Variants in UBR3 observed in about 807,000 individuals in gnomAD.
UBR3 encodes the protein ubiquitin protein ligase E3 component n-recognin 3, also known as E3 ubiquitin-protein ligase UBR3.
In UBR3, 85 loss-of-function variants were observed where a neutral mutation model predicts 243.2. That is an observed-to-expected ratio of 0.35 (90% CI 0.29 to 0.42). The LOEUF (loss-of-function observed/expected upper bound fraction) is 0.42, where lower values mean the gene tolerates loss of function less well. Among genes scored for constraint, UBR3 ranks in the 10% least tolerant of loss-of-function variants. The pLI, the probability that UBR3 is intolerant of heterozygous loss-of-function variation, is 1.00. For missense variants in UBR3, 1,686 were observed against 2,300.8 expected (o/e 0.73, Z 5.47); for synonymous variants, 748 against 799.8 (o/e 0.94, Z 1.09).
chr2:170,070,035 G>A (rs1050494260), intron 35 of UBR3, among the ~76,000 whole-genome samples: 3 of 151,974 alleles, frequency 2.0e-5, no homozygotes, highest in African/African-American at 7.2e-5. Flanking sequence ...GGCTGGTTGA[G>A]TACATGGATA....
chr2:170,060,603 C>T (rs1269743232), intron 33 of UBR3, among the ~76,000 whole-genome samples: 7 of 151,820 alleles, frequency 4.6e-5, no homozygotes, highest in African/African-American at 1.7e-4. Flanking sequence ...AAATATTTTT[C>T]GTACAGCTTA....
At chr2:169,855,567 G>A (rs1292131638) in intron 1 of UBR3, among the ~76,000 whole-genome samples, 1 of 151,982 alleles carries the variant, frequency 6.6e-6, no homozygotes, top group Non-Finnish European at 1.5e-5. Context: ...CGAGCATGCT[G>A]CCTTTAAGCA....
At chr2:169,863,715 G>A (rs905170514) in intron 1 of UBR3, among the ~76,000 whole-genome samples, 1 of 152,174 alleles carries the variant, frequency 6.6e-6, no homozygotes, top group African/African-American at 2.4e-5. Flanking sequence ...TTTTACTGGT[G>A]TCTTTTGGTT....
chr2:169,923,085 T>G (rs2085768559), intron 11 of UBR3, among the ~76,000 whole-genome samples: 3 of 152,216 alleles, frequency 2.0e-5, no homozygotes. Context: ...GTGGTGTATT[T>G]TTGCCCTGTA....
intron 24 of UBR3, among the ~76,000 whole-genome samples, chr2:169,961,349 A>ATTT (rs1420842363): frequency 6.6e-6 from 1 of 151,028 alleles, no homozygotes; most frequent in African/African-American, 2.4e-5. Flanking sequence ...ATATATATAC[A>ATTT]TTTTTTTTCT....
intron 38 of UBR3, among the ~76,000 whole-genome samples, 168 bp downstream of exon 38, chr2:170,080,852 T>C (rs1351467776): frequency 6.6e-6 from 1 of 152,132 alleles, no homozygotes; most frequent in African/African-American, 2.4e-5. Context: ...ATCAATACGT[T>C]GAGGAAACAT....
chr2:169,916,469 A>G (rs552800227), intron 11 of UBR3, among the ~76,000 whole-genome samples: 1 of 151,420 alleles, frequency 6.6e-6, no homozygotes, highest in Non-Finnish European at 1.5e-5. Flanking sequence ...ACACGTGGAC[A>G]CCCTCCTCAT....
At chr2:169,865,205 G>T (rs546357485) in intron 1 of UBR3, among the ~76,000 whole-genome samples, 3 of 152,046 alleles carry the variant, frequency 2.0e-5, no homozygotes, top group Admixed American at 2.0e-4. Context: ...AAGAGACAGG[G>T]TCATGCTATA....
chr2:169,948,972 AAAAC>A (rs372099014), intron 22 of UBR3, among the ~76,000 whole-genome samples: 6 of 151,990 alleles, frequency 3.9e-5, no homozygotes, highest in African/African-American at 1.4e-4. Flanking sequence ...AAACAAATCA[AAAAC>A]AAATCACAAA....
chr2:169,935,083 G>GA (rs1402133873), intron 19 of UBR3, among the ~76,000 whole-genome samples: 2 of 152,194 alleles, frequency 1.3e-5, no homozygotes, highest in South Asian at 4.1e-4. Context: ...CCAGCAGTTG[G>GA]AAAACCATCC....
intron 8 of UBR3, among the ~76,000 whole-genome samples, chr2:169,901,483 T>G (rs1449929890): frequency 1.3e-5 from 2 of 152,198 alleles, no homozygotes; most frequent in Non-Finnish European, 2.9e-5. Flanking sequence ...ATTTTTACAC[T>G]GAGTATTAGA....
intron 8 of UBR3, among the ~76,000 whole-genome samples, chr2:169,899,411 A>G (rs2105329764): frequency 6.6e-6 from 1 of 152,248 alleles, no homozygotes; most frequent in East Asian, 1.9e-4. Context: ...CCTTTTTGAA[A>G]TAGTATCTGC....
chr2:169,843,976 C>A (rs534456603), intron 1 of UBR3, among the ~76,000 whole-genome samples: 1 of 150,822 alleles, frequency 6.6e-6, no homozygotes, highest in Non-Finnish European at 1.5e-5. Flanking sequence ...AAGGTTTTAA[C>A]ATACTCCATT....
At chr2:169,896,165 G>A (rs1208419905) in intron 7 of UBR3, among the ~76,000 whole-genome samples, 1 of 152,174 alleles carries the variant, frequency 6.6e-6, no homozygotes, top group African/African-American at 2.4e-5. Context: ...GCGTGTGCCT[G>A]TAATCCCAGC....
At chr2:169,998,696 T>C (rs1464523379) in intron 26 of UBR3, among the ~76,000 whole-genome samples, 2 of 152,202 alleles carry the variant, frequency 1.3e-5, no homozygotes, top group Non-Finnish European at 2.9e-5. Flanking sequence ...AACTGTAGAT[T>C]CTACTGTCTT....
At chr2:169,859,875 C>G (rs369881748) in intron 1 of UBR3, among the ~76,000 whole-genome samples, 4 of 152,080 alleles carry the variant, frequency 2.6e-5, no homozygotes, top group East Asian at 1.9e-4. Flanking sequence ...CGCTACCACA[C>G]CCGGCTAATT....
intron 6 of UBR3, among the ~76,000 whole-genome samples, chr2:169,893,918 C>T (rs1385590492): frequency 1.3e-5 from 2 of 151,992 alleles, no homozygotes; most frequent in Non-Finnish European, 2.9e-5. Context: ...CTCTTGGGCC[C>T]TGTTTTTATT....
At chr2:169,852,850 CAA>C (rs869283640) in intron 1 of UBR3, among the ~76,000 whole-genome samples, 818 of 48,132 alleles carry the variant, frequency 0.017, 37 homozygotes, top group Middle Eastern at 0.029. Flanking sequence ...GACTTCATCT[CAA>C]AAAAAAAAAA....
intron 32 of UBR3, among the ~76,000 whole-genome samples, chr2:170,048,630 T>C (rs2091145808): frequency 6.6e-6 from 1 of 152,146 alleles, no homozygotes; most frequent in African/African-American, 2.4e-5. Flanking sequence ...TTATGAGAAA[T>C]AAAGCCCTCG....
Sources: gnomAD v4.1 joint callset for allele counts (sites outside exome capture counted in the v4.1 genomes callset) on GRCh38, gnomAD v4.1.1 for gene constraint, MANE v1.5 for transcripts, NCBI Gene and HGNC (gene_info 2026-07-23, HGNC 2026-07-21) for gene names.